The following VEGFC variants were observed in gnomAD, a reference collection of about 807,000 sequenced individuals.
The protein encoded by VEGFC is FLT4 ligand DHM.
Under a neutral mutation model 46.1 loss-of-function variants are expected in VEGFC, and 12 were observed. The observed-to-expected ratio is 0.26, with a 90% confidence interval of 0.17 to 0.42. VEGFC has a LOEUF of 0.42. VEGFC is among the 10% of genes least tolerant of loss of function. The pLI is 1.00. For synonymous variants in VEGFC, 232 were observed against 195.5 expected, an observed-to-expected ratio of 1.19 and a Z score of -1.56; for missense variants, 488 against 529.4, an observed-to-expected ratio of 0.92 and a Z score of 0.77.
At chr4:176,734,093 T>C (rs910146410) in intron 1 of VEGFC, among the ~76,000 whole-genome samples, 1 of 151,818 alleles carries the variant, frequency 6.6e-6, no homozygotes, top group Admixed American at 6.6e-5. Context: ...TGTGGTCTTA[T>C]TTGTGTTTTG....
In VEGFC at chr4:176,757,809, G is replaced by T. The variant is rs1186028572; in HGVS notation, c.148-28063C>A. Among the ~76,000 whole-genome samples, 6 of 151,860 alleles carry T rather than the reference G, an allele frequency of 4.0e-5. No homozygotes were observed. In the East Asian group the frequency reaches 1.2e-3, roughly 29 times the overall value. ...AGAAATAGTCCTCTTTAATCTACCT[G>T]AAATTATAATTAACCTAATTAAAGA... On this transcript the variant is annotated intron_variant, in intron 1 of 6. Transcript: ENST00000618562.
At chr4:176,743,976 A>G (rs1389556844) in intron 1 of VEGFC, among the ~76,000 whole-genome samples, 2 of 152,024 alleles carry the variant, frequency 1.3e-5, no homozygotes, top group African/African-American at 4.8e-5. Flanking sequence ...AAAGGGAACA[A>G]TAGCCACAAT....
chr4:176,788,299 G>A (rs1271698754), intron 1 of VEGFC, among the ~76,000 whole-genome samples: 2 of 152,214 alleles, frequency 1.3e-5, no homozygotes, highest in Non-Finnish European at 2.9e-5. Context: ...GAAAGTCTGG[G>A]TTTATTTCCG....
chr4:176,707,851 T>C (rs6815174), intron 4 of VEGFC, among the ~76,000 whole-genome samples: 9,275 of 152,246 alleles, frequency 0.061, 958 homozygotes, highest in African/African-American at 0.21. Context: ...TACTGAGTGG[T>C]ACCTATGTGG....
chr4:176,749,568 A>T (rs1393534572), intron 1 of VEGFC, among the ~76,000 whole-genome samples: 2 of 151,852 alleles, frequency 1.3e-5, no homozygotes, highest in Non-Finnish European at 2.9e-5. Context: ...GTATATATTT[A>T]ATTATAGCCA....
chr4:176,757,836 T>G (rs975563375), intron 1 of VEGFC, among the ~76,000 whole-genome samples: 2 of 152,060 alleles, frequency 1.3e-5, no homozygotes, highest in East Asian at 3.8e-4. Context: ...AATTAAAGAT[T>G]TGGTGTCCTA....
At position 176,792,207 on chromosome 4, in the gene VEGFC, T is replaced by A. The variant is rs774919484; in HGVS notation, c.105A>T (p.Gly35=). ...CGGGCTCCGCGTCCGAGAGGTCGAG[T>A]CCGGACTCGAAGGCGGCGGCGGCGG... The part of the protein sequence containing the change: ...APAAAAAFES[G]LDLSDAEPDA... The change falls in exon 1 of 7, where the codon GGA becomes GGT. Residue 35 remains glycine (G), a synonymous_variant. Coordinates refer to ENST00000618562, the MANE Select transcript of VEGFC (RefSeq NM_005429.5). This position sits in a 1 kb window ranked among gnomAD's most constrained non-coding sequence, Gnocchi z 6.3. The A allele has an allele frequency of 3.2e-6, 5 of 1,557,746 alleles. No homozygotes were observed. Among genetic ancestry groups the A allele is most frequent in the Non-Finnish European group, 4.3e-6 (5 of 1,155,034 alleles).
intron 1 of VEGFC, among the ~76,000 whole-genome samples, chr4:176,782,480 AAT>A (rs1249733032): frequency 2.0e-5 from 3 of 151,342 alleles, no homozygotes; most frequent in South Asian, 2.1e-4. Flanking sequence ...AAAAAAAAAA[AAT>A]TTTTAAATAA....
In VEGFC at chr4:176,687,210, C is replaced by CT. The variant is rs1560932193; in HGVS notation, c.1121dup (p.Lys375GlufsTer22). On this transcript the variant is annotated frameshift_variant, in exon 6 of 7. Coordinates refer to ENST00000618562, the MANE Select transcript of VEGFC (RefSeq NM_005429.5). LOFTEE classifies it high-confidence loss of function. Reference sequence around the variant, plus strand: ...ACCTGCATGTTTGGTGGTGGAACTTCTTTCCTTTTAACAAGCATTTCTGTG... The same window carrying CT: ...ACCTGCATGTTTGGTGGTGGAACTTCTTTTCCTTTTAACAAGCATTTCTGTG... 2.5e-6 allele frequency: 4 copies of CT among 1,612,560 alleles called. No homozygotes were observed. Among genetic ancestry groups the CT allele is most frequent in the Non-Finnish European group, 3.4e-6 (4 of 1,179,534 alleles).
chr4:176,719,815 C>T (rs1484228557), intron 3 of VEGFC, among the ~76,000 whole-genome samples: 3 of 152,166 alleles, frequency 2.0e-5, no homozygotes, highest in Non-Finnish European at 4.4e-5. Flanking sequence ...AATCCCAGCA[C>T]ATTGGGTGGC....
intron 1 of VEGFC, among the ~76,000 whole-genome samples, chr4:176,764,778 T>C (rs910971154): frequency 6.6e-6 from 1 of 152,166 alleles, no homozygotes; most frequent in African/African-American, 2.4e-5. Flanking sequence ...CACTGAATCC[T>C]CTCTAGAAAG....
intron 1 of VEGFC, among the ~76,000 whole-genome samples, chr4:176,736,471 T>C (rs1735055976): frequency 1.8e-5 from 1 of 56,708 alleles, no homozygotes; most frequent in Non-Finnish European, 7.3e-5. Context: ...CAATTAGTTC[T>C]ACTATAAAAA....
In VEGFC at chr4:176,744,921, C is replaced by G. The variant is rs142775531; in HGVS notation, c.148-15175G>C. Among the ~76,000 whole-genome samples the G allele has an allele frequency of 2.0e-4, 31 of 152,118 alleles. No homozygotes were observed. The East Asian group carries it at 5.1e-3, about 25-fold the overall frequency. On this transcript the variant is annotated intron_variant, in intron 1 of 6. Transcript: ENST00000618562. ...CTTACACCATATTACATTATTTCTA[C>G]GCTAATTCCAAAATCCCCTAACTTT...
At chr4:176,763,089 A>G (rs1735557924) in intron 1 of VEGFC, among the ~76,000 whole-genome samples, 1 of 152,240 alleles carries the variant, frequency 6.6e-6, no homozygotes, top group Non-Finnish European at 1.5e-5. Context: ...TGTGGTCTGA[A>G]GTAACACTAT....
intron 4 of VEGFC, among the ~76,000 whole-genome samples, chr4:176,694,028 C>T (rs1734260284): frequency 6.6e-6 from 1 of 151,072 alleles, no homozygotes; most frequent in East Asian, 1.9e-4. Flanking sequence ...CAAAATCATG[C>T]CAAAATGTAA....
intron 3 of VEGFC, among the ~76,000 whole-genome samples, chr4:176,712,078 C>A (rs1239941319): frequency 6.6e-6 from 1 of 152,060 alleles, no homozygotes; most frequent in Non-Finnish European, 1.5e-5. Context: ...CCACACAACC[C>A]AGAAATACTT....
chr4:176,746,900 G>A (rs1579120055), intron 1 of VEGFC, among the ~76,000 whole-genome samples: 1 of 152,234 alleles, frequency 6.6e-6, no homozygotes, highest in East Asian at 1.9e-4. Flanking sequence ...CCTGTTTGCT[G>A]AATTTATTAA....
intron 1 of VEGFC, among the ~76,000 whole-genome samples, chr4:176,738,012 C>T (rs935259910): frequency 1.3e-5 from 2 of 151,852 alleles, no homozygotes; most frequent in African/African-American, 4.8e-5. Context: ...TGAAAGACCT[C>T]TTCAAGGAGA....
intron 1 of VEGFC, among the ~76,000 whole-genome samples, chr4:176,731,576 G>C (rs1734965301): frequency 6.6e-6 from 1 of 151,656 alleles, no homozygotes; most frequent in Non-Finnish European, 1.5e-5. Flanking sequence ...TTGTTGAATA[G>C]CCCTAGAAGA....
Sources: gnomAD v4.1 joint callset for allele counts (sites outside exome capture counted in the v4.1 genomes callset) on GRCh38, gnomAD v4.1.1 for gene constraint, Gnocchi (gnomAD v3.1) non-coding constraint, MANE v1.5 for transcripts, NCBI Gene and HGNC (gene_info 2026-07-23, HGNC 2026-07-21) for gene names.